Variants in LRRTM4 observed in about 807,000 individuals in gnomAD.
LRRTM4 encodes the protein leucine rich repeat transmembrane neuronal 4, also known as leucine-rich repeat transmembrane neuronal protein 4.
In LRRTM4, 25 loss-of-function variants were observed where a neutral mutation model predicts 47.6. That is an observed-to-expected ratio of 0.53 (90% CI 0.38 to 0.73). LRRTM4 has a LOEUF of 0.73. Among genes scored for constraint, LRRTM4 ranks in the 30% least tolerant of loss-of-function variants. LRRTM4 has a pLI of 0.00. For missense variants in LRRTM4, 638 were observed against 713.4 expected (o/e 0.89, Z 1.20); for synonymous variants, 311 against 269.5 (o/e 1.15, Z -1.51).
At chr2:76,810,660 A>G (rs542241031) in intron 3 of LRRTM4, among the ~76,000 whole-genome samples, 2 of 152,272 alleles carry the variant, frequency 1.3e-5, no homozygotes, top group Non-Finnish European at 2.9e-5. Flanking sequence ...ATAAAAGTCT[A>G]TGGTTTTTAA....
intron 3 of LRRTM4, among the ~76,000 whole-genome samples, chr2:76,862,659 A>C (rs1254220225): frequency 6.6e-6 from 1 of 152,212 alleles, no homozygotes; most frequent in Non-Finnish European, 1.5e-5. Flanking sequence ...ACACAAACAC[A>C]CAGTGATATG....
At chr2:77,440,654 C>T (rs930363533) in intron 3 of LRRTM4, among the ~76,000 whole-genome samples, 2 of 152,168 alleles carry the variant, frequency 1.3e-5, no homozygotes, top group East Asian at 1.9e-4. Flanking sequence ...AATTAATTAA[C>T]GGACACTGAA....
At chr2:77,324,746 A>T (rs1331121303) in intron 3 of LRRTM4, among the ~76,000 whole-genome samples, 1 of 152,198 alleles carries the variant, frequency 6.6e-6, no homozygotes, top group Admixed American at 6.6e-5. Context: ...TTCTTAAGTA[A>T]GGCCATGGTA....
intron 3 of LRRTM4, among the ~76,000 whole-genome samples, chr2:76,973,791 G>T (rs2860935): frequency 6.6e-6 from 1 of 151,542 alleles, no homozygotes; most frequent in Non-Finnish European, 1.5e-5. Flanking sequence ...CCAAAGTAGT[G>T]CACACAATTA....
rs907559995 is a variant in LRRTM4 at position 77,161,920 on chromosome 2, C to G, written c.1551+356398G>C. Among the ~76,000 whole-genome samples the G allele has an allele frequency of 9.9e-5, 15 of 152,202 alleles. No individual in the cohort carries two copies. In the East Asian group the frequency reaches 2.9e-3, roughly 29 times the overall value. On this transcript the variant is annotated intron_variant, in intron 3 of 3. Coordinates refer to ENST00000409884, the MANE Select transcript of LRRTM4 (RefSeq NM_001134745.3). Reference sequence around the variant, plus strand: ...GTTCTTCATGGAGGCTCCAAGATGGCTGAATAGGAATAGCTCCAGTCTACA... The same window carrying G: ...GTTCTTCATGGAGGCTCCAAGATGGGTGAATAGGAATAGCTCCAGTCTACA...
intron 3 of LRRTM4, among the ~76,000 whole-genome samples, chr2:77,419,581 A>C (rs1321495828): frequency 6.6e-6 from 1 of 152,162 alleles, no homozygotes; most frequent in Non-Finnish European, 1.5e-5. Context: ...TACATGTTCA[A>C]TAGAGATGCA....
intron 3 of LRRTM4, among the ~76,000 whole-genome samples, chr2:76,902,613 TGGG>T (rs1212067703): frequency 6.6e-6 from 1 of 152,192 alleles, no homozygotes; most frequent in Non-Finnish European, 1.5e-5. Flanking sequence ...GAGGCTGTAA[TGGG>T]GTGGACCCTA....
chr2:77,400,985 C>T lies in LRRTM4; in HGVS notation c.1551+117333G>A, dbSNP rs1673929179. ...GTCTATAAGTAAAATTTTGTTTGCT[C>T]ATTTGTTTACATATTTTCCGTGCTA... On this transcript the variant is annotated intron_variant, in intron 3 of 3. Coordinates refer to ENST00000409884, the MANE Select transcript of LRRTM4 (RefSeq NM_001134745.3). Among the ~76,000 whole-genome samples the T allele has an allele frequency of 2.6e-5, 4 of 151,894 alleles. No homozygotes were observed. In the South Asian group the frequency reaches 8.3e-4, roughly 31 times the overall value.
chr2:77,209,727 CAAAACAATTGCATT>C (rs1674240321), intron 3 of LRRTM4, among the ~76,000 whole-genome samples: 2 of 152,114 alleles, frequency 1.3e-5, no homozygotes, highest in Admixed American at 6.6e-5. Context: ...TAAAAGGCAA[CAAAACAATTGCATT>C]GAAACAATGC....
intron 3 of LRRTM4, among the ~76,000 whole-genome samples, chr2:77,466,601 G>C (rs1027768783): frequency 1.1e-4 from 17 of 151,828 alleles, no homozygotes; most frequent in Admixed American, 5.2e-4. Context: ...ATTCAGGTAT[G>C]TAAGATGCCA....
intron 3 of LRRTM4, among the ~76,000 whole-genome samples, chr2:76,830,444 C>T (rs1024296279): frequency 3.3e-5 from 5 of 151,116 alleles, no homozygotes; most frequent in Non-Finnish European, 7.4e-5. Flanking sequence ...AAGAATAAGA[C>T]TAGAAAGACA....
At chr2:77,306,929 T>C (rs1222388171) in intron 3 of LRRTM4, among the ~76,000 whole-genome samples, 1 of 140,880 alleles carries the variant, frequency 7.1e-6, no homozygotes, top group Non-Finnish European at 1.5e-5. Context: ...AGATGGAGTC[T>C]CGCTCTGTCG....
At chr2:76,782,872 C>T (rs935706105) in intron 3 of LRRTM4, among the ~76,000 whole-genome samples, 2 of 152,060 alleles carry the variant, frequency 1.3e-5, no homozygotes, top group African/African-American at 2.4e-5. Context: ...AAATTTAAAT[C>T]GCTATTGGGG....
intron 3 of LRRTM4, among the ~76,000 whole-genome samples, chr2:77,438,486 G>A (rs553264120): frequency 8.5e-5 from 12 of 141,214 alleles, no homozygotes; most frequent in South Asian, 2.3e-4. Context: ...GGCTCACTGC[G>A]CGCTCCGCCT....
intron 3 of LRRTM4, among the ~76,000 whole-genome samples, chr2:77,198,837 G>T (rs1314221263): frequency 6.6e-6 from 1 of 152,118 alleles, no homozygotes; most frequent in Non-Finnish European, 1.5e-5. Context: ...TCTCTCACTA[G>T]CTATCCTAAC....
intron 3 of LRRTM4, among the ~76,000 whole-genome samples, chr2:77,171,359 C>G (rs556660485): frequency 2.0e-5 from 3 of 152,114 alleles, no homozygotes; most frequent in Non-Finnish European, 4.4e-5. Context: ...TCACTGCAAC[C>G]TCCACCTCCT....
At chr2:77,219,751 G>A (rs941594611) in intron 3 of LRRTM4, among the ~76,000 whole-genome samples, 2 of 152,152 alleles carry the variant, frequency 1.3e-5, no homozygotes, top group Non-Finnish European at 1.5e-5. Context: ...CACTTTGGTG[G>A]CAATAACAGC....
intron 3 of LRRTM4, among the ~76,000 whole-genome samples, chr2:76,866,608 G>A (rs1277225596): frequency 2.0e-5 from 3 of 151,712 alleles, no homozygotes; most frequent in Non-Finnish European, 4.4e-5. Context: ...GTGATGTTGT[G>A]TCACATCACT....
chr2:77,510,839 AT>A (rs1190618221), intron 3 of LRRTM4, among the ~76,000 whole-genome samples: 1 of 152,090 alleles, frequency 6.6e-6, no homozygotes, highest in African/African-American at 2.4e-5. Context: ...AAAAGTAAAA[AT>A]TATAAGTGTC....
Sources: allele counts gnomAD v4.1 joint callset (sites outside exome capture counted in the v4.1 genomes callset), GRCh38; gene constraint gnomAD v4.1.1; transcripts MANE v1.5; gene names NCBI Gene and HGNC (gene_info 2026-07-23, HGNC 2026-07-21).